Variants in PARN observed in about 807,000 individuals in gnomAD.
PARN encodes the protein poly(A)-specific ribonuclease PARN.
A neutral mutation model predicts 102.8 loss-of-function variants in PARN; 71 were observed. The observed-to-expected ratio is 0.69, with a 90% CI of 0.57 to 0.84. The LOEUF (loss-of-function observed/expected upper bound fraction) is 0.84, where lower values mean the gene tolerates loss of function less well. Among genes scored for constraint, PARN ranks in the 40% least tolerant of loss-of-function variants. PARN has a pLI of 0.00. For missense variants in PARN, 782 were observed against 760.9 expected, an observed-to-expected ratio of 1.03 and a Z score of -0.33; for synonymous variants, 261 against 252.9, an observed-to-expected ratio of 1.03 and a Z score of -0.30.
intron 21 of PARN, among the ~76,000 whole-genome samples, chr16:14,499,747 G>A (rs572818389): frequency 3.9e-5 from 6 of 152,262 alleles, no homozygotes; most frequent in African/African-American, 9.6e-5. Context: ...GCAGTGGCAC[G>A]TGCCTGTAAT....
rs1960710977 is a variant in PARN at position 14,436,653 on chromosome 16, A to G, written c.*64T>C. 1.6e-5 allele frequency: 20 copies of G among 1,258,242 alleles called. No individual in the cohort carries two copies. The South Asian group carries it at 2.6e-4, about 16-fold the overall frequency. The allele number at this position is 1,258,242 out of a possible 1,614,324, so 77.9% of individuals were successfully genotyped here. On this transcript the variant is annotated 3_prime_UTR_variant, in exon 24 of 24. Transcript: ENST00000437198. ...TTAAGTTAAATACAGTGCGGCTTCC[A>G]AATGTGCCAGCCGGCTCTTGCTCAC...
At chr16:14,619,419 T>C (rs929042650) in intron 5 of PARN, among the ~76,000 whole-genome samples, 2 of 151,070 alleles carry the variant, frequency 1.3e-5, no homozygotes, top group African/African-American at 2.4e-5. Flanking sequence ...CTGGGCAACA[T>C]GGCAAGACCC....
At chr16:14,524,520 C>T in intron 21 of PARN, among the ~76,000 whole-genome samples, 1 of 152,176 alleles carries the variant, frequency 6.6e-6, no homozygotes, top group African/African-American at 2.4e-5. Context: ...AAACTGCTTG[C>T]AAGCATTCGA....
intron 18 of PARN, among the ~76,000 whole-genome samples, chr16:14,556,036 T>C (rs1385405263): frequency 1.3e-5 from 2 of 152,062 alleles, no homozygotes. Context: ...GGTTTCACCA[T>C]GTTGGCCAGG....
intron 6 of PARN, among the ~76,000 whole-genome samples, chr16:14,616,174 A>G (rs1428466470): frequency 2.0e-5 from 3 of 152,170 alleles, no homozygotes; most frequent in Admixed American, 2.0e-4. Flanking sequence ...CTTTCCAAAC[A>G]CTTTTAGAGA....
At chr16:14,554,399 T>A (rs770234254) in intron 19 of PARN, among the ~76,000 whole-genome samples, 2 of 152,190 alleles carry the variant, frequency 1.3e-5, no homozygotes, top group Non-Finnish European at 2.9e-5. Context: ...TCTCTTCTCA[T>A]GAAGTTCCTG....
intron 22 of PARN, among the ~76,000 whole-genome samples, chr16:14,480,676 C>T (rs998391208): frequency 1.3e-5 from 2 of 152,170 alleles, no homozygotes; most frequent in African/African-American, 2.4e-5. Context: ...TGCAGTGGCT[C>T]ACGCCTGTAA....
intron 21 of PARN, among the ~76,000 whole-genome samples, chr16:14,504,066 TAGAG>T (rs1964761992): frequency 6.6e-6 from 1 of 152,170 alleles, no homozygotes; most frequent in Non-Finnish European, 1.5e-5. Context: ...AGAAGGGGCT[TAGAG>T]AGGATCATAT....
At position 14,482,841 on chromosome 16, in the gene PARN, A is replaced by C; in HGVS notation, c.1481-14T>G. On this transcript the variant is annotated splice_polypyrimidine_tract_variant and intron_variant, in intron 21 of 23. Coordinates refer to ENST00000437198, the MANE Select transcript of PARN (RefSeq NM_002582.4). ...TGGTATTGACAGCTACAAGGAAAAG[A>C]AAAAAAAATAAAATGCTTACAAAAG... The C allele has an allele frequency of 6.4e-7, 1 of 1,554,910 alleles. No individual in the cohort carries two copies. The highest frequency in any genetic ancestry group is 8.7e-7 in the Non-Finnish European group (1 of 1,148,168).
chr16:14,503,042 G>A lies in PARN; in HGVS notation c.1481-20215C>T, dbSNP rs138345016. Among the ~76,000 whole-genome samples the A allele has an allele frequency of 5.3e-3, 808 of 152,200 alleles. 5 individuals carry two copies. The highest frequency in any genetic ancestry group is 0.016 in the Admixed American group (250 of 15,286). On this transcript the variant is annotated intron_variant, in intron 21 of 23. Transcript: ENST00000437198. ...GAATGGTTTAAATAAAACATAAGACGGTAGAGATATTTCACCTTCTGCCCC... is the reference window on the plus strand; with the variant it reads ...GAATGGTTTAAATAAAACATAAGACAGTAGAGATATTTCACCTTCTGCCCC...
intron 18 of PARN, among the ~76,000 whole-genome samples, chr16:14,577,689 T>TA (rs938666522): frequency 6.6e-6 from 1 of 152,042 alleles, no homozygotes; most frequent in African/African-American, 2.4e-5. Flanking sequence ...ATTTTTGAGA[T>TA]AGAGTCTCAC....
In PARN at chr16:14,610,750, G is replaced by C. The variant is rs777558836; in HGVS notation, c.448C>G (p.Arg150Gly). 3.1e-6 allele frequency: 5 copies of C among 1,609,642 alleles called. No individual in the cohort carries two copies. Among genetic ancestry groups the C allele is most frequent in the African/African-American group, 2.7e-5 (2 of 74,926 alleles). ...GCTCCTGCACCATTCGCCTGTGAAC[G>C]TTTTTCATCATACTGCTCTCTTAAC... The part of the protein sequence containing the change: ...RQLREQYDEK[R>G]SQANGAGALS... The change falls in exon 7 of 24, where the codon CGT becomes GGT. Residue 150 changes from arginine to glycine, a missense_variant. Physicochemically the swap from Arg to Gly is moderately radical, Grantham distance 125. Coordinates refer to ENST00000437198, the MANE Select transcript of PARN (RefSeq NM_002582.4).
At chr16:14,534,230 A>G (rs1372619845) in intron 21 of PARN, among the ~76,000 whole-genome samples, 1 of 151,990 alleles carries the variant, frequency 6.6e-6, no homozygotes, top group Non-Finnish European at 1.5e-5. Flanking sequence ...AGAAAAAAAA[A>G]AAAAAAAAAG....
At chr16:14,584,566 T>C in intron 15 of PARN, 144 bp from the exon 16 acceptor site, 1 of 800,188 alleles carries the variant, frequency 1.2e-6, no homozygotes. Flanking sequence ...TCTTCGTTTT[T>C]TTCAATGTGA....
chr16:14,461,574 T>C (rs1961977732), intron 22 of PARN, among the ~76,000 whole-genome samples: 1 of 152,220 alleles, frequency 6.6e-6, no homozygotes, highest in Non-Finnish European at 1.5e-5. Flanking sequence ...ATCTTCATCC[T>C]TTTTGTCACA....
chr16:14,446,419 A>G (rs1315944417), intron 23 of PARN, among the ~76,000 whole-genome samples: 1 of 152,254 alleles, frequency 6.6e-6, no homozygotes, highest in Non-Finnish European at 1.5e-5. Context: ...TCTAGCATGT[A>G]GTAGGCTCTC....
At chr16:14,606,337 G>T in intron 10 of PARN, 147 bp downstream of exon 10, 1 of 449,438 alleles carries the variant, frequency 2.2e-6, no homozygotes. Flanking sequence ...AGTCAAGGCT[G>T]CAGTGAGCCG....
intron 7 of PARN, among the ~76,000 whole-genome samples, chr16:14,609,970 G>C (rs938867977): frequency 6.6e-6 from 1 of 152,146 alleles, no homozygotes; most frequent in Non-Finnish European, 1.5e-5. Flanking sequence ...CCAGCGCTCT[G>C]GGAGGCTGAG....
intron 9 of PARN, among the ~76,000 whole-genome samples, chr16:14,606,982 C>T (rs1244432841): frequency 1.3e-5 from 2 of 151,828 alleles, no homozygotes; most frequent in Non-Finnish European, 1.5e-5. Context: ...GGGGTTTCAC[C>T]GTGTTAGCCA....
Sources: gnomAD v4.1 joint callset for allele counts (sites outside exome capture counted in the v4.1 genomes callset) on GRCh38, gnomAD v4.1.1 for gene constraint, MANE v1.5 for transcripts, NCBI Gene and HGNC (gene_info 2026-07-23, HGNC 2026-07-21) for gene names.